The following ZFHX3 variants were observed in gnomAD, a reference collection of about 807,000 sequenced individuals.
ZFHX3 encodes zinc finger homeobox protein 3.
ZFHX3 carries 42 observed loss-of-function variants against 279.1 expected under a neutral mutation model. The observed-to-expected ratio is 0.15, with a 90% CI of 0.12 to 0.19. The LOEUF (loss-of-function observed/expected upper bound fraction) is 0.19. ZFHX3 is among the 10% of genes least tolerant of loss of function. ZFHX3 has a pLI of 1.00. For missense variants in ZFHX3, 4,981 were observed against 4,754.0 expected (o/e 1.05, Z -1.40); for synonymous variants, 2,293 against 1,957.8 (o/e 1.17, Z -4.52).
chr16:73,381,912 C>A (rs1415615269), intron 3 of ZFHX3, among the ~76,000 whole-genome samples: 1 of 152,238 alleles, frequency 6.6e-6, no homozygotes, highest in East Asian at 1.9e-4. Context: ...CTTGTTTAGA[C>A]TTTGGTCTAA....
rs757794567 is a variant in ZFHX3, at chr16:72,957,812, A to AGCC, written c.2331_2333dup (p.Ala784dup). On this transcript the variant is annotated inframe_insertion, in exon 2 of 10. Coordinates refer to ENST00000268489, the MANE Select transcript of ZFHX3 (RefSeq NM_006885.4). Reference sequence around the variant, plus strand: ...TGATATTGGCTGCCGCCGCCGCCGCAGCCACCGCCGCCGCCGCCGCCCCGG... The same window carrying AGCC: ...TGATATTGGCTGCCGCCGCCGCCGCAGCCGCCACCGCCGCCGCCGCCGCCCCGG... 481 of 1,582,088 alleles carry AGCC rather than the reference A, an allele frequency of 3.0e-4. No individual in the cohort carries two copies. Among genetic ancestry groups the AGCC allele is most frequent in the African/African-American group, 1.1e-3 (82 of 74,248 alleles).
At chr16:72,925,690 A>G (rs977393507) in intron 3 of ZFHX3, among the ~76,000 whole-genome samples, 1 of 152,252 alleles carries the variant, frequency 6.6e-6, no homozygotes, top group African/African-American at 2.4e-5. Context: ...GACCCGCACA[A>G]TCATCTACAA....
intron 5 of ZFHX3, among the ~76,000 whole-genome samples, chr16:73,248,817 T>A (rs1276489881): frequency 2.0e-5 from 3 of 152,156 alleles, no homozygotes; most frequent in East Asian, 1.9e-4. Context: ...AGTTTTTTTT[T>A]AATTGAAAAA....
At position 72,795,106 on chromosome 16, in the gene ZFHX3, G is replaced by C. The variant is rs1343279889; in HGVS notation, c.7576C>G (p.Gln2526Glu). 6.2e-7 allele frequency: 1 copy of C among 1,614,102 alleles called. No individual in the cohort carries two copies. The highest frequency in any genetic ancestry group is 1.1e-5 in the South Asian group (1 of 91,066). The change falls in exon 9 of 10, where the codon CAG becomes GAG. Residue 2526 changes from glutamine (Q) to glutamate (E), a missense_variant. Gln to Glu is a conservative substitution (Grantham distance 29). Around this residue, in one of 7 missense-constraint regions of ZFHX3, gnomAD observed 744 missense variants for 701.3 expected, o/e 1.06. Coordinates refer to ENST00000268489, the MANE Select transcript of ZFHX3 (RefSeq NM_006885.4). Reference sequence around the variant, plus strand: ...TGGTCACACTGGTAGGGGATTAGCTGAGGAGGTAGGTTTGCGAGCTGTTGA... The same window carrying C: ...TGGTCACACTGGTAGGGGATTAGCTCAGGAGGTAGGTTTGCGAGCTGTTGA... ...TPQQLANLPPQLIPYQCDQCK... is the reference protein window; with the variant it reads ...TPQQLANLPPELIPYQCDQCK...
At chr16:73,254,801 G>A (rs1349893592) in intron 5 of ZFHX3, among the ~76,000 whole-genome samples, 7 of 152,074 alleles carry the variant, frequency 4.6e-5, no homozygotes, top group Non-Finnish European at 7.4e-5. Context: ...ATAACTGCAA[G>A]GTTTGTAAGA....
chr16:73,491,785 G>A (rs569660851), intron 2 of ZFHX3, among the ~76,000 whole-genome samples: 1 of 152,268 alleles, frequency 6.6e-6, no homozygotes, highest in East Asian at 1.9e-4. Flanking sequence ...TGGTGGGGGT[G>A]TCACTGACAT....
At chr16:72,930,357 T>A (rs1258559829) in intron 3 of ZFHX3, among the ~76,000 whole-genome samples, 1 of 151,980 alleles carries the variant, frequency 6.6e-6, no homozygotes, top group Non-Finnish European at 1.5e-5. Flanking sequence ...CTTCTGCACC[T>A]AAAAATCTTT....
chr16:73,111,576 C>A (rs1170046360), intron 7 of ZFHX3, among the ~76,000 whole-genome samples: 1 of 142,604 alleles, frequency 7.0e-6, no homozygotes, highest in Non-Finnish European at 1.5e-5. Flanking sequence ...ATTCCATATT[C>A]TCTGTGAGGG....
At chr16:73,606,175 C>A (rs1379583072) in intron 2 of ZFHX3, among the ~76,000 whole-genome samples, 2 of 83,466 alleles carry the variant, frequency 2.4e-5, no homozygotes, top group East Asian at 7.3e-4. Context: ...GAGCTAGGCT[C>A]CATCTAAAAA....
At chr16:72,810,515 T>C (rs569558107) in intron 7 of ZFHX3, among the ~76,000 whole-genome samples, 2 of 152,184 alleles carry the variant, frequency 1.3e-5, no homozygotes, top group African/African-American at 4.8e-5. Flanking sequence ...AGCACCAACA[T>C]AGTCAAAAGT....
At chr16:73,478,379 G>A (rs1271369113) in intron 2 of ZFHX3, among the ~76,000 whole-genome samples, 3 of 152,004 alleles carry the variant, frequency 2.0e-5, no homozygotes, top group East Asian at 1.9e-4. Context: ...TACCAACTGA[G>A]CTATCCAGGC....
intron 1 of ZFHX3, among the ~76,000 whole-genome samples, chr16:73,780,701 C>G (rs1452561453): frequency 1.3e-5 from 2 of 152,216 alleles, no homozygotes; most frequent in Non-Finnish European, 2.9e-5. Context: ...CTGGGCCTCC[C>G]AAAGAGCTGG....
intron 2 of ZFHX3, among the ~76,000 whole-genome samples, chr16:73,481,615 TG>T (rs200842847): frequency 1.3e-4 from 19 of 141,592 alleles, no homozygotes; most frequent in Middle Eastern, 3.6e-3. Context: ...TGCGTGGTGT[TG>T]TTTTTTTGTT....
chr16:72,882,984 GT>G (rs1891309037), intron 4 of ZFHX3, among the ~76,000 whole-genome samples: 1 of 29,026 alleles, frequency 3.4e-5, no homozygotes, highest in Non-Finnish European at 8.1e-5. Context: ...TGGGGTGTGT[GT>G]GTGTGTGTGT....
At chr16:73,272,254 T>C (rs914494468) in intron 4 of ZFHX3, among the ~76,000 whole-genome samples, 1 of 152,260 alleles carries the variant, frequency 6.6e-6, no homozygotes, top group African/African-American at 2.4e-5. Flanking sequence ...CAGATTTTTT[T>C]AAATGACTTT....
intron 1 of ZFHX3, among the ~76,000 whole-genome samples, chr16:73,715,730 C>T: frequency 6.6e-6 from 1 of 151,910 alleles, no homozygotes; most frequent in Non-Finnish European, 1.5e-5. Context: ...CGCCACCATG[C>T]CCTGCTAATT....
chr16:72,829,756 C>A, intron 5 of ZFHX3, 23 bp downstream of exon 5: 1 of 1,613,812 alleles, frequency 6.2e-7, no homozygotes, highest in South Asian at 1.1e-5. Context: ...CACTACCTGT[C>A]CACTTGCCCT....
intron 2 of ZFHX3, among the ~76,000 whole-genome samples, chr16:73,651,665 T>C (rs2052672149): frequency 9.6e-6 from 1 of 103,906 alleles, no homozygotes; most frequent in African/African-American, 3.5e-5. Flanking sequence ...TGAAACCCCA[T>C]CTCTACTAAA....
rs13338672 is a variant in ZFHX3, at chr16:73,140,020, C to T, written c.-1024+3732G>A. Among the ~76,000 whole-genome samples the T allele has an allele frequency of 9.5e-3, 1,452 of 152,264 alleles. 29 individuals are homozygous for T. Among genetic ancestry groups the T allele is most frequent in the African/African-American group, 0.033 (1,381 of 41,554 alleles). The stretch of plus-strand genomic sequence containing the variant: ...TGGTGGCTCACACCTGTAATCCCAG[C>T]GCCTTGGGAGGCCACGGTGGGAGAA... On this transcript the variant is annotated intron_variant, in intron 6 of 17. Coordinates refer to the ZFHX3 transcript ENST00000641206.
Sources: gnomAD v4.1 joint callset for allele counts (sites outside exome capture counted in the v4.1 genomes callset) on GRCh38, gnomAD v4.1.1 for gene constraint, gnomAD v4.1.1 regional missense constraint, MANE v1.5 for transcripts, NCBI Gene and HGNC (gene_info 2026-07-23, HGNC 2026-07-21) for gene names.